LRMDA: variants seen among roughly 807,000 people sequenced by gnomAD.
The protein encoded by LRMDA is leucine rich melanocyte differentiation associated, also known as leucine-rich melanocyte differentiation-associated protein.
A neutral mutation model predicts 29.8 loss-of-function variants in LRMDA; 18 were observed. The ratio of observed to expected loss-of-function variants is 0.60; its 90% CI spans 0.42 to 0.90. The LOEUF (loss-of-function observed/expected upper bound fraction) is 0.90, where lower values mean the gene tolerates loss of function less well. Ranked by LOEUF, LRMDA falls within the 40% of genes least tolerant of loss-of-function variation. The pLI, the probability that LRMDA is intolerant of heterozygous loss-of-function variation, is 0.00. For synonymous variants in LRMDA, 125 were observed against 109.4 expected (o/e 1.14, Z -0.89); for missense variants, 273 against 273.9 (o/e 1.00, Z 0.02).
At chr10:75,535,369 C>G (rs1025075976) in intron 2 of LRMDA, among the ~76,000 whole-genome samples, 1 of 151,904 alleles carries the variant, frequency 6.6e-6, no homozygotes, top group Non-Finnish European at 1.5e-5. Flanking sequence ...GCTTCTTTTA[C>G]TTACTTACTT....
At chr10:76,518,759 T>C (rs992409882) in intron 6 of LRMDA, among the ~76,000 whole-genome samples, 2 of 152,192 alleles carry the variant, frequency 1.3e-5, no homozygotes, top group Admixed American at 1.3e-4. Context: ...TTTCAAAATA[T>C]TTCTTTCAAT....
At chr10:75,634,252 T>G (rs1291664292) in intron 2 of LRMDA, among the ~76,000 whole-genome samples, 1 of 152,220 alleles carries the variant, frequency 6.6e-6, no homozygotes, top group Non-Finnish European at 1.5e-5. Context: ...TGATTTAAAT[T>G]CAGTACTTTC....
At chr10:76,062,654 CTCTG>C (rs1452670871) in intron 5 of LRMDA, among the ~76,000 whole-genome samples, 3,050 of 136,392 alleles carry the variant, frequency 0.022, 110 homozygotes, top group African/African-American at 0.075. Context: ...GACTTTATCT[CTCTG>C]TGTGTGTGTG....
chr10:75,954,211 G>C (rs1215233019), intron 2 of LRMDA, among the ~76,000 whole-genome samples: 1 of 152,186 alleles, frequency 6.6e-6, no homozygotes, highest in East Asian at 1.9e-4. Context: ...TGAGAGCACA[G>C]ACATGTGGGG....
intron 2 of LRMDA, among the ~76,000 whole-genome samples, chr10:75,971,328 T>C (rs1319855474): frequency 6.6e-6 from 1 of 152,176 alleles, no homozygotes; most frequent in Non-Finnish European, 1.5e-5. Flanking sequence ...AACAGGGTGA[T>C]TATGGGGCCT....
chr10:75,456,482 A>G (rs1461798188), intron 2 of LRMDA, among the ~76,000 whole-genome samples: 2 of 152,152 alleles, frequency 1.3e-5, no homozygotes, highest in Non-Finnish European at 2.9e-5. Flanking sequence ...GAATTGGTAG[A>G]TTATTGATTC....
chr10:76,092,127 C>T (rs1011030956), intron 5 of LRMDA, among the ~76,000 whole-genome samples: 2 of 152,276 alleles, frequency 1.3e-5, no homozygotes, highest in East Asian at 3.9e-4. Flanking sequence ...GGGTCATTTT[C>T]CCCTGAAGGT....
At chr10:75,501,701 G>A (rs959556936) in intron 2 of LRMDA, among the ~76,000 whole-genome samples, 2 of 152,186 alleles carry the variant, frequency 1.3e-5, no homozygotes. Flanking sequence ...ATACATAACC[G>A]AAATAGGTCT....
At chr10:75,778,690 T>C (rs1843343352) in intron 2 of LRMDA, among the ~76,000 whole-genome samples, 1 of 152,182 alleles carries the variant, frequency 6.6e-6, no homozygotes, top group South Asian at 2.1e-4. Context: ...TCATGAAATA[T>C]TTAAGAGCAA....
At chr10:76,252,665 T>C (rs372963540) in intron 5 of LRMDA, among the ~76,000 whole-genome samples, 7 of 152,340 alleles carry the variant, frequency 4.6e-5, no homozygotes, top group African/African-American at 1.7e-4. Context: ...GCCTTTGTCA[T>C]GGTAGGGAGA....
At chr10:75,496,497 C>T (rs1845045658) in intron 2 of LRMDA, among the ~76,000 whole-genome samples, 1 of 152,148 alleles carries the variant, frequency 6.6e-6, no homozygotes, top group Admixed American at 6.5e-5. Flanking sequence ...AACTTGAAAA[C>T]TTGAGCAATA....
chr10:76,524,917 G>A (rs1475589359), intron 6 of LRMDA, among the ~76,000 whole-genome samples: 2 of 152,148 alleles, frequency 1.3e-5, no homozygotes, highest in Non-Finnish European at 2.9e-5. Flanking sequence ...TGTCAGTGGA[G>A]CATGGGGTCT....
intron 2 of LRMDA, among the ~76,000 whole-genome samples, chr10:75,659,189 G>A (rs557224173): frequency 3.9e-5 from 6 of 152,326 alleles, no homozygotes; most frequent in African/African-American, 1.4e-4. Flanking sequence ...AACTCATGGT[G>A]CCTCTTAGGG....
intron 2 of LRMDA, among the ~76,000 whole-genome samples, chr10:75,559,306 G>A (rs2132060614): frequency 6.6e-6 from 1 of 150,432 alleles, no homozygotes; most frequent in East Asian, 2.0e-4. Context: ...TTTTTCATGT[G>A]TTTTTTGGCT....
At chr10:75,765,411 T>C (rs933028629) in intron 2 of LRMDA, among the ~76,000 whole-genome samples, 2 of 152,194 alleles carry the variant, frequency 1.3e-5, no homozygotes, top group East Asian at 1.9e-4. Flanking sequence ...GAACAACTGA[T>C]GGAAGTGTGA....
At chr10:75,603,367 G>A (rs1032383584) in intron 2 of LRMDA, among the ~76,000 whole-genome samples, 4 of 152,124 alleles carry the variant, frequency 2.6e-5, no homozygotes, top group Non-Finnish European at 5.9e-5. Flanking sequence ...AGGGCCACGA[G>A]ACACTTTGCC....
chr10:75,472,113 C>T (rs551955533), intron 2 of LRMDA, among the ~76,000 whole-genome samples: 3 of 152,208 alleles, frequency 2.0e-5, no homozygotes, highest in Non-Finnish European at 4.4e-5. Flanking sequence ...TGCCTTCCCT[C>T]TTCCAAGTCT....
intron 2 of LRMDA, among the ~76,000 whole-genome samples, chr10:75,572,644 C>T (rs1322840540): frequency 1.8e-4 from 28 of 152,160 alleles, no homozygotes; most frequent in Non-Finnish European, 1.5e-5. Flanking sequence ...CTTTGGCTTT[C>T]TTGCTGAAGG....
At chr10:76,193,184 A>G (rs1426878300) in intron 5 of LRMDA, among the ~76,000 whole-genome samples, 1 of 152,172 alleles carries the variant, frequency 6.6e-6, no homozygotes. Context: ...CCTGTTAGCA[A>G]TGTGATGGAA....
Sources: allele counts gnomAD v4.1 joint callset (sites outside exome capture counted in the v4.1 genomes callset), GRCh38; gene constraint gnomAD v4.1.1; transcripts MANE v1.5; gene names NCBI Gene and HGNC (gene_info 2026-07-23, HGNC 2026-07-21).